The following KCNQ1 variants were observed in gnomAD, a reference collection of about 807,000 sequenced individuals.
The protein encoded by KCNQ1 is potassium voltage-gated channel subfamily Q member 1, also known as potassium voltage-gated channel subfamily KQT member 1.
A neutral mutation model predicts 72.4 loss-of-function variants in KCNQ1; 49 were observed. The ratio of observed to expected loss-of-function variants is 0.68; its 90% CI spans 0.54 to 0.86. KCNQ1 has a LOEUF of 0.86. Ranked by LOEUF, KCNQ1 falls within the 40% of genes least tolerant of loss-of-function variation. KCNQ1 has a pLI of 0.00. For missense variants in KCNQ1, 790 were observed against 945.1 expected (o/e 0.84, Z 2.15); for synonymous variants, 450 against 412.6 (o/e 1.09, Z -1.10).
At chr11:2,524,069 C>T (rs995902361) in intron 1 of KCNQ1, among the ~76,000 whole-genome samples, 20 of 152,028 alleles carry the variant, frequency 1.3e-4, no homozygotes, top group Admixed American at 6.5e-4. Context: ...AGGGATGGCT[C>T]GTGAGAGGGG....
intron 11 of KCNQ1, among the ~76,000 whole-genome samples, chr11:2,701,287 C>T (rs1850809386): frequency 6.6e-6 from 1 of 152,180 alleles, no homozygotes; most frequent in Non-Finnish European, 1.5e-5. Flanking sequence ...GCAAGTGATT[C>T]CTTTCAGGCC....
rs1849770549 is a variant in KCNQ1, at chr11:2,652,347, G to A, written c.1394-9614G>A. The A allele has an allele frequency of 1.0e-5, 4 of 398,512 alleles. No individual in the cohort carries two copies. Among genetic ancestry groups the A allele is most frequent in the Non-Finnish European group, 4.4e-6 (1 of 226,076 alleles). 24.7% of individuals were successfully genotyped at this position (398,512 alleles called of 1,614,324 possible). ...AAGTTAAGAACTGGCACATTTCCGC[G>A]ATGTTGTGATGAAGGTGAAAAGATC... On this transcript the variant is annotated intron_variant, in intron 10 of 15. Transcript: ENST00000155840. This position sits in a 1 kb window ranked among gnomAD's most constrained non-coding sequence, Gnocchi z 5.9.
In KCNQ1 at chr11:2,642,240, C is replaced by G; in HGVS notation, c.1394-19721C>G. ...GTCATTTTAATTTTGTTAATTCTCC[C>G]AATCCATGAGAATGGGATGTTTTTT... On this transcript the variant is annotated intron_variant, in intron 10 of 15. Transcript: ENST00000155840. This position sits in a 1 kb window ranked among gnomAD's most constrained non-coding sequence, Gnocchi z 4.3. The G allele has an allele frequency of 1.0e-5, 4 of 398,358 alleles. No individual in the cohort carries two copies. The highest frequency in any genetic ancestry group is 1.8e-5 in the Non-Finnish European group (4 of 225,938). 24.7% of individuals were successfully genotyped at this position (398,358 alleles called of 1,614,324 possible).
rs79972789 is a variant in KCNQ1 at position 2,803,343 on chromosome 11, C to G, written c.1794+25306C>G. Among the ~76,000 whole-genome samples, 2,702 of 152,276 alleles carry G rather than the reference C, an allele frequency of 0.018. 32 individuals are homozygous for G. The highest frequency in any genetic ancestry group is 0.065 in the Middle Eastern group (19 of 294). ...GGTCAGCCTGGACGGTGGCAGGACTCGGCGAGGTGGGGATGGGGCTTGGAG... is the reference window on the plus strand; with the variant it reads ...GGTCAGCCTGGACGGTGGCAGGACTGGGCGAGGTGGGGATGGGGCTTGGAG... On this transcript the variant is annotated intron_variant, in intron 15 of 15. Transcript: ENST00000155840. The surrounding 1 kb of genome is among the most constrained non-coding windows in gnomAD (Gnocchi z 6.4).
intron 15 of KCNQ1, among the ~76,000 whole-genome samples, chr11:2,811,915 T>C (rs1183249230): frequency 6.6e-6 from 1 of 152,180 alleles, no homozygotes; most frequent in African/African-American, 2.4e-5. Context: ...CGCCGCAGGA[T>C]GACAGTGGGA....
chr11:2,698,627 T>G lies in KCNQ1; in HGVS notation c.1514+36546T>G, dbSNP rs1177004697. Reference sequence around the variant, plus strand: ...TCAATTCCTGACTCCCATACCCCACTGAGACCTCTAACCCCAATCCCAATC... The same window carrying G: ...TCAATTCCTGACTCCCATACCCCACGGAGACCTCTAACCCCAATCCCAATC... On this transcript the variant is annotated intron_variant, in intron 11 of 15. Transcript: ENST00000155840. The surrounding 1 kb of genome is among the most constrained non-coding windows in gnomAD (Gnocchi z 5.1). 2 of 398,136 alleles carry G rather than the reference T, an allele frequency of 5.0e-6. No individual in the cohort carries two copies. The highest frequency in any genetic ancestry group is 4.1e-5 in the African/African-American group (2 of 48,378). 24.7% of individuals were successfully genotyped at this position (398,136 alleles called of 1,614,324 possible). A position where few individuals can be genotyped will look rare whatever the true frequency, so the allele number is the denominator to read the frequency against.
chr11:2,461,454 G>A (rs1049592785), intron 1 of KCNQ1: 3 of 1,286,512 alleles, frequency 2.3e-6, no homozygotes, highest in Non-Finnish European at 3.0e-6. Context: ...TTCCTCCCCT[G>A]CAGCTTCCAT....
intron 15 of KCNQ1, among the ~76,000 whole-genome samples, chr11:2,845,148 C>T (rs917297380): frequency 1.3e-5 from 2 of 152,316 alleles, no homozygotes; most frequent in African/African-American, 4.8e-5. Context: ...GCAGGAGCCA[C>T]GGGGGTCAGG....
intron 2 of KCNQ1, among the ~76,000 whole-genome samples, chr11:2,540,810 G>C (rs767282194): frequency 2.4e-4 from 37 of 152,342 alleles, no homozygotes; most frequent in African/African-American, 8.2e-4. Context: ...ACTGCATTTA[G>C]ATTTTTAGGT....
In KCNQ1 at chr11:2,680,167, C is replaced by T. The variant is rs532834275; in HGVS notation, c.1514+18086C>T. ...TCAGCCTCCTAAAGTGCTGGGATTA[C>T]GGGCGTGAGCCAATGCACCTGGCCT... On this transcript the variant is annotated intron_variant, in intron 11 of 15. Transcript: ENST00000155840. 1.6e-4 allele frequency: 64 copies of T among 389,102 alleles called. No individual in the cohort carries two copies. The highest frequency in any genetic ancestry group is 2.6e-4 in the Non-Finnish European group (59 of 224,794). 24.1% of individuals were successfully genotyped at this position (389,102 alleles called of 1,614,324 possible).
At chr11:2,580,076 T>C (rs931597447) in intron 6 of KCNQ1, among the ~76,000 whole-genome samples, 2 of 152,224 alleles carry the variant, frequency 1.3e-5, no homozygotes, top group Non-Finnish European at 2.9e-5. Context: ...ATGTTGTTAT[T>C]AGAACAATGT....
At position 2,675,805 on chromosome 11, in the gene KCNQ1, C is replaced by T. The variant is rs769041136; in HGVS notation, c.1514+13724C>T. On this transcript the variant is annotated intron_variant, in intron 11 of 15. Transcript: ENST00000155840. Reference sequence around the variant, plus strand: ...TGCTGCCCGCAGGGCATACCAGCCACGTGCATGCAGGGCTGCACACTGCCC... The same window carrying T: ...TGCTGCCCGCAGGGCATACCAGCCATGTGCATGCAGGGCTGCACACTGCCC... 84 of 398,728 alleles carry T rather than the reference C, an allele frequency of 2.1e-4. No individual in the cohort carries two copies. In the East Asian group the frequency reaches 2.4e-3, roughly 11 times the overall value. The allele number at this position is 398,728 out of a possible 1,614,324, so 24.7% of individuals were successfully genotyped here. A position where few individuals can be genotyped will look rare whatever the true frequency, so the allele number is the denominator to read the frequency against.
At chr11:2,847,738 G>A (rs1848360212) in intron 15 of KCNQ1, 29 bp from the exon 16 acceptor site, 7 of 1,562,930 alleles carry the variant, frequency 4.5e-6, no homozygotes, top group Non-Finnish European at 6.1e-6. Context: ...TCCCACCACT[G>A]ACTCTCTCGT....
chr11:2,532,318 G>A (rs1009780055), intron 2 of KCNQ1, among the ~76,000 whole-genome samples: 29 of 152,210 alleles, frequency 1.9e-4, no homozygotes, highest in Admixed American at 5.9e-4. Flanking sequence ...GGCCAGAGTT[G>A]CCCAGCGAGG....
In KCNQ1 at chr11:2,447,854, C is replaced by T. The variant is rs763548105; in HGVS notation, c.386+2370C>T. On this transcript the variant is annotated intron_variant, in intron 1 of 15. Transcript: ENST00000155840. The surrounding 1 kb of genome is among the most constrained non-coding windows in gnomAD (Gnocchi z 7.6). ...TTCCGCTGACCCTACAGGGCTAGGG[C>T]GAACTCTCCTGTGTGCGCCTGGGGA... Among the ~76,000 whole-genome samples, 1 of 152,182 alleles carries T rather than the reference C, an allele frequency of 6.6e-6. No homozygotes were observed. Among genetic ancestry groups the T allele is most frequent in the Non-Finnish European group, 1.5e-5 (1 of 68,012 alleles).
chr11:2,832,475 C>T (rs1183970215), intron 15 of KCNQ1, among the ~76,000 whole-genome samples: 3 of 152,180 alleles, frequency 2.0e-5, no homozygotes. Context: ...CTCGCTCAGA[C>T]GGGCTCTGCG....
chr11:2,818,394 G>A lies in KCNQ1; in HGVS notation c.1795-29373G>A, dbSNP rs1392615249. On this transcript the variant is annotated intron_variant, in intron 15 of 15. Coordinates refer to ENST00000155840, the MANE Select transcript of KCNQ1 (RefSeq NM_000218.3). This position sits in a 1 kb window ranked among gnomAD's most constrained non-coding sequence, Gnocchi z 7.2. The stretch of plus-strand genomic sequence containing the variant: ...CCCAGGTGTGGCTAAGGCCCCCACA[G>A]AGTGTGCATCCTAAGGTGGTTCAGA... Among the ~76,000 whole-genome samples the A allele has an allele frequency of 2.0e-5, 3 of 152,226 alleles. No individual in the cohort carries two copies. In the East Asian group the frequency reaches 5.8e-4, roughly 29 times the overall value.
chr11:2,572,607 C>G (rs1015061735), intron 5 of KCNQ1, among the ~76,000 whole-genome samples: 3 of 152,214 alleles, frequency 2.0e-5, no homozygotes, highest in Non-Finnish European at 4.4e-5. Flanking sequence ...CCCGCGCCGG[C>G]CCAGACAGTG....
intron 1 of KCNQ1, among the ~76,000 whole-genome samples, chr11:2,500,256 C>CA (rs1221939958): frequency 1.3e-5 from 2 of 152,058 alleles, no homozygotes; most frequent in South Asian, 4.1e-4. Context: ...TTTATGCAGC[C>CA]AAAAAACATA....
Sources: gnomAD v4.1 joint callset for allele counts (sites outside exome capture counted in the v4.1 genomes callset) on GRCh38, gnomAD v4.1.1 for gene constraint, Gnocchi (gnomAD v3.1) non-coding constraint, MANE v1.5 for transcripts, NCBI Gene and HGNC (gene_info 2026-07-23, HGNC 2026-07-21) for gene names.